The following FARP1 variants were observed in gnomAD, a reference collection of about 807,000 sequenced individuals.
The protein encoded by FARP1 is FERM, ARHGEF and pleckstrin domain-containing protein 1.
FARP1 carries 52 observed loss-of-function variants against 128.8 expected under a neutral mutation model. The ratio of observed to expected loss-of-function variants is 0.40; its 90% CI spans 0.32 to 0.51. FARP1 has a LOEUF of 0.51. FARP1 is among the 20% of genes least tolerant of loss of function. The pLI, the probability that FARP1 is intolerant of heterozygous loss-of-function variation, is 0.45. For missense variants in FARP1, 1,333 were observed against 1,367.9 expected (o/e 0.97, Z 0.40); for synonymous variants, 580 against 551.8 (o/e 1.05, Z -0.72).
At chr13:98,443,835 G>C (rs1166558622) in intron 24 of FARP1, among the ~76,000 whole-genome samples, 1 of 7,084 alleles carries the variant, frequency 1.4e-4, no homozygotes, top group East Asian at 0.014. Context: ...ACAGAGCGCA[G>C]ACAGGACTGG....
Position 98,160,332 on chromosome 13 carries a change from G to A in FARP1, c.-24+16840G>A, listed in dbSNP as rs1876788900. The stretch of plus-strand genomic sequence containing the variant: ...GGGGCCTGGGCTGCCTGGTGCTGGG[G>A]AGTGGCTATCCCCTTTCCTTGCATT... On this transcript the variant is annotated intron_variant, in intron 1 of 26. Coordinates refer to ENST00000319562, the MANE Select transcript of FARP1 (RefSeq NM_005766.4). Among the ~76,000 whole-genome samples, 6 of 152,314 alleles carry A rather than the reference G, an allele frequency of 3.9e-5. No individual in the cohort carries two copies. In the South Asian group the frequency reaches 1.0e-3, roughly 26 times the overall value.
At chr13:98,212,276 G>A (rs1295398043) in intron 1 of FARP1, among the ~76,000 whole-genome samples, 2 of 152,132 alleles carry the variant, frequency 1.3e-5, no homozygotes, top group African/African-American at 4.8e-5. Flanking sequence ...GGCTGGTCTC[G>A]AACTCCTGAC....
At chr13:98,162,572 G>T (rs969747793) in intron 1 of FARP1, among the ~76,000 whole-genome samples, 1 of 152,086 alleles carries the variant, frequency 6.6e-6, no homozygotes, top group African/African-American at 2.4e-5. Flanking sequence ...GGCCCCCATG[G>T]TCTGTAAAAG....
chr13:98,185,437 G>T (rs75912462), intron 1 of FARP1, among the ~76,000 whole-genome samples: 2 of 152,182 alleles, frequency 1.3e-5, no homozygotes, highest in Non-Finnish European at 2.9e-5. Context: ...CTTTATGTTG[G>T]GGGGGCTTCC....
At chr13:98,253,666 C>T (rs1594324548) in intron 2 of FARP1, among the ~76,000 whole-genome samples, 1 of 151,500 alleles carries the variant, frequency 6.6e-6, no homozygotes, top group East Asian at 1.9e-4. Context: ...TGCGTTCATC[C>T]AAGGTCGCAC....
chr13:98,230,239 C>T (rs1343770436), intron 2 of FARP1, among the ~76,000 whole-genome samples: 1 of 152,190 alleles, frequency 6.6e-6, no homozygotes, highest in East Asian at 1.9e-4. Flanking sequence ...GTTTTGGCAT[C>T]TTTGAACACA....
chr13:98,388,601 T>C, intron 9 of FARP1, 123 bp downstream of exon 9: 2 of 722,402 alleles, frequency 2.8e-6, no homozygotes, highest in South Asian at 3.0e-5. Context: ...CCAGGTGCTT[T>C]TGTCCACATG....
intron 2 of FARP1, among the ~76,000 whole-genome samples, chr13:98,286,682 A>G (rs150156033): frequency 2.6e-5 from 4 of 152,238 alleles, no homozygotes; most frequent in Middle Eastern, 3.4e-3. Flanking sequence ...ATGGACTAAA[A>G]CACCCCTTTT....
chr13:98,215,547 GGT>G (rs1881007907), intron 2 of FARP1, among the ~76,000 whole-genome samples: 1 of 152,170 alleles, frequency 6.6e-6, no homozygotes, highest in Admixed American at 6.5e-5. Context: ...TAAAAAAAGA[GGT>G]GACACAAAGT....
At chr13:98,386,488 G>A (rs531072853) in intron 8 of FARP1, among the ~76,000 whole-genome samples, 2 of 152,216 alleles carry the variant, frequency 1.3e-5, no homozygotes, top group South Asian at 2.1e-4. Context: ...TTGAAGTATT[G>A]TTGACGTACA....
chr13:98,249,382 T>G (rs1239581844), intron 2 of FARP1, among the ~76,000 whole-genome samples: 1 of 152,254 alleles, frequency 6.6e-6, no homozygotes, highest in Non-Finnish European at 1.5e-5. Context: ...GATACGATAC[T>G]TCTTTTATGT....
At chr13:98,258,693 T>G (rs1883731003) in intron 2 of FARP1, among the ~76,000 whole-genome samples, 1 of 150,956 alleles carries the variant, frequency 6.6e-6, no homozygotes, top group Non-Finnish European at 1.5e-5. Context: ...ATCTCTATTG[T>G]GGGGAAAAAA....
At chr13:98,150,984 C>G (rs564537827) in intron 1 of FARP1, among the ~76,000 whole-genome samples, 1 of 143,826 alleles carries the variant, frequency 7.0e-6, no homozygotes, top group East Asian at 2.1e-4. Context: ...GGCAGATACA[C>G]AGCTCTGCAG....
intron 1 of FARP1, among the ~76,000 whole-genome samples, chr13:98,171,242 T>G (rs1048491482): frequency 2.0e-4 from 30 of 152,200 alleles, no homozygotes; most frequent in Non-Finnish European, 2.9e-5. Context: ...GAGTTTCTAA[T>G]TTTCCTGGTT....
chr13:98,302,947 G>A (rs543139974), intron 2 of FARP1, among the ~76,000 whole-genome samples: 29 of 152,342 alleles, frequency 1.9e-4, no homozygotes, highest in African/African-American at 7.0e-4. Context: ...TGATGTGGCA[G>A]CCTGTAGAAG....
chr13:98,239,263 G>T (rs548329322), intron 2 of FARP1, among the ~76,000 whole-genome samples: 2 of 152,136 alleles, frequency 1.3e-5, no homozygotes, highest in Admixed American at 6.5e-5. Context: ...ACCCTGGACC[G>T]ACCCTGGTTG....
intron 2 of FARP1, among the ~76,000 whole-genome samples, chr13:98,243,696 CAAAAA>C (rs61020922): frequency 1.5e-5 from 1 of 64,916 alleles, no homozygotes; most frequent in Non-Finnish European, 3.1e-5. Context: ...GACTCCATCT[CAAAAA>C]AAAAAAAAAA....
At chr13:98,396,016 TC>T in intron 13 of FARP1, 1 of 399,026 alleles carries the variant, frequency 2.5e-6, no homozygotes. Flanking sequence ...TGAACGCTGG[TC>T]CCCCACCTCG....
intron 2 of FARP1, among the ~76,000 whole-genome samples, chr13:98,230,718 G>A (rs1344378474): frequency 6.6e-6 from 1 of 152,148 alleles, no homozygotes; most frequent in Non-Finnish European, 1.5e-5. Flanking sequence ...GCTGTGATGG[G>A]CATAACGAGT....
Sources: gnomAD v4.1 joint callset for allele counts (sites outside exome capture counted in the v4.1 genomes callset) on GRCh38, gnomAD v4.1.1 for gene constraint, MANE v1.5 for transcripts, NCBI Gene and HGNC (gene_info 2026-07-23, HGNC 2026-07-21) for gene names.